Variants in JAG2 observed in about 807,000 individuals in gnomAD.
JAG2 encodes the protein protein jagged-2.
Under a neutral mutation model 141.7 loss-of-function variants are expected in JAG2, and 46 were observed. The ratio of observed to expected loss-of-function variants is 0.32; its 90% CI spans 0.26 to 0.42. The LOEUF is 0.42. Ranked by LOEUF, JAG2 falls within the 10% of genes least tolerant of loss-of-function variation. JAG2 has a pLI of 1.00. For missense variants in JAG2, 1,500 were observed against 1,817.5 expected (o/e 0.83, Z 3.18); for synonymous variants, 862 against 763.5 (o/e 1.13, Z -2.13).
At chr14:105,158,492 T>C (rs948754157) in intron 2 of JAG2, among the ~76,000 whole-genome samples, 3 of 152,088 alleles carry the variant, frequency 2.0e-5, no homozygotes, top group African/African-American at 7.2e-5. Context: ...CTGGCCCTTG[T>C]ACCCCAGCCA....
intron 6 of JAG2, 48 bp from the exon 7 acceptor site, chr14:105,152,105 C>A (rs1888453760): frequency 6.2e-7 from 1 of 1,613,400 alleles, no homozygotes; most frequent in East Asian, 2.2e-5. Flanking sequence ...CCCCCCGCTC[C>A]CCCACAACCC....
intron 3 of JAG2, among the ~76,000 whole-genome samples, chr14:105,156,631 G>A (rs921433567): frequency 2.0e-5 from 3 of 152,126 alleles, no homozygotes; most frequent in Non-Finnish European, 4.4e-5. Flanking sequence ...CCGTGATGCC[G>A]GTCCCTGCGC....
chr14:105,164,375 G>A lies in JAG2; in HGVS notation c.417+3382C>T, dbSNP rs187816345. 5.7e-4 allele frequency among the ~76,000 whole-genome samples: 87 copies of A among 152,256 alleles called. 2 individuals are homozygous for A. Among genetic ancestry groups the A allele is most frequent in the Middle Eastern group, 6.8e-3 (2 of 294 alleles). On this transcript the variant is annotated intron_variant, in intron 2 of 25. Coordinates refer to ENST00000331782, the MANE Select transcript of JAG2 (RefSeq NM_002226.5). ...AGGGCCATGGCAGGAGGAACAGACC[G>A]ATGCCCACCCAACACAGGAACCCAG...
chr14:105,146,492 A>G lies in JAG2; in HGVS notation c.2602T>C (p.Phe868Leu). The G allele has an allele frequency of 6.2e-7, 1 of 1,612,528 alleles. No homozygotes were observed. The highest frequency in any genetic ancestry group is 8.5e-7 in the Non-Finnish European group (1 of 1,179,752). Reference sequence around the variant, plus strand: ...CCCCGGGACCAGCAGGATCTCCCGAACCCGATCACTGTGGGGAGAAGGGGC... The same window carrying G: ...CCCCGGGACCAGCAGGATCTCCCGAGCCCGATCACTGTGGGGAGAAGGGGC... Reference protein sequence around the residue: ...AGPRCQEVIGFGRSCWSRGTP... With the variant: ...AGPRCQEVIGLGRSCWSRGTP... The change falls in exon 22 of 26, where the codon TTC (phenylalanine) becomes CTC (leucine). Residue 868 changes from phenylalanine to leucine, a missense_variant. Around this residue, in one of 3 missense-constraint regions of JAG2, gnomAD observed 875 missense variants for 1,202.2 expected, o/e 0.73. Transcript: ENST00000331782.
At chr14:105,165,202 C>T (rs1888873362) in intron 2 of JAG2, among the ~76,000 whole-genome samples, 1 of 152,188 alleles carries the variant, frequency 6.6e-6, no homozygotes, top group Non-Finnish European at 1.5e-5. Context: ...TGCCACCACC[C>T]TGCTCCTCCC....
Position 105,167,252 on chromosome 14 carries a change from A to AGCGTTAG in JAG2, c.417+498_417+504dup, listed in dbSNP as rs1196700767. ...ACCATCGGGGGCTTCTGCCGACATA[A>AGCGTTAG]GCGTTAGGCGTTAGGCTCTCCCGGG... is the stretch of plus-strand genomic sequence containing the variant. On this transcript the variant is annotated intron_variant, in intron 2 of 25. Coordinates refer to ENST00000331782, the MANE Select transcript of JAG2 (RefSeq NM_002226.5). The surrounding 1 kb of genome is among the most constrained non-coding windows in gnomAD (Gnocchi z 4.8). 6.6e-6 allele frequency among the ~76,000 whole-genome samples: 1 copy of AGCGTTAG among 152,160 alleles called. No individual in the cohort carries two copies. Among genetic ancestry groups the AGCGTTAG allele is most frequent in the Non-Finnish European group, 1.5e-5 (1 of 68,024 alleles).
chr14:105,159,263 C>T (rs905790893), intron 2 of JAG2, among the ~76,000 whole-genome samples: 11 of 152,160 alleles, frequency 7.2e-5, no homozygotes, highest in Admixed American at 1.3e-4. Context: ...GCAGAACACC[C>T]GGGGACGGCC....
chr14:105,145,019 G>A lies in JAG2; in HGVS notation c.2995C>T (p.Pro999Ser). ...TCCCGTGCCACAGCCCTTGTGGCTG[G>A]CAGGGAGCGGATCCCGGAGCAAATG... The part of the protein sequence containing the change: ...GAICSGIRSL[P>S]ATRAVARDRL... The change falls in exon 24 of 26, where the codon CCA becomes TCA. Residue 999 changes from proline to serine, a missense_variant. Pro to Ser is a moderately conservative substitution (Grantham distance 74). Around this residue, in one of 3 missense-constraint regions of JAG2, gnomAD observed 425 missense variants for 441.0 expected, o/e 0.96. Transcript: ENST00000331782. 3 of 1,609,898 alleles carry A rather than the reference G, an allele frequency of 1.9e-6. No homozygotes were observed. Among genetic ancestry groups the A allele is most frequent in the East Asian group, 2.2e-5 (1 of 44,876 alleles).
rs764907973 is a variant in JAG2 at position 105,151,984 on chromosome 14, G to A, written c.993C>T (p.Tyr331=). ...GTCINAEPDQ[Y]RCTCPDGYSG... ...AGTAGCCGTCAGGGCAGGTGCAGCG[G>A]TACTGGTCAGGCTCGGCGTTGATGC... The change falls in exon 7 of 26, where the codon TAC becomes TAT. Residue 331 remains tyrosine (Y), a synonymous_variant. Coordinates refer to ENST00000331782, the MANE Select transcript of JAG2 (RefSeq NM_002226.5). 12 of 1,613,262 alleles carry A rather than the reference G, an allele frequency of 7.4e-6. No homozygotes were observed. In the Admixed American group the frequency reaches 1.2e-4, roughly 16 times the overall value.
intron 14 of JAG2, 33 bp from the exon 15 acceptor site, chr14:105,148,891 A>G: frequency 6.3e-7 from 1 of 1,591,106 alleles, no homozygotes; most frequent in Non-Finnish European, 8.5e-7. Context: ...CCAGGGCCTC[A>G]GGCCAGCCCA....
intron 2 of JAG2, among the ~76,000 whole-genome samples, chr14:105,160,501 C>A (rs1390246261): frequency 6.6e-6 from 1 of 151,668 alleles, no homozygotes. Flanking sequence ...GCCTCTGCCA[C>A]CAAGGACGGC....
At chr14:105,162,806 C>T (rs993846962) in intron 2 of JAG2, among the ~76,000 whole-genome samples, 2 of 149,060 alleles carry the variant, frequency 1.3e-5, no homozygotes, top group East Asian at 4.0e-4. Flanking sequence ...GCTCAGGGCA[C>T]TCCAGGTCCA....
intron 2 of JAG2, among the ~76,000 whole-genome samples, chr14:105,165,539 G>T (rs1030853562): frequency 3.3e-5 from 5 of 152,192 alleles, no homozygotes; most frequent in Non-Finnish European, 2.9e-5. Flanking sequence ...ACCCACTGAG[G>T]GAAGCTGAGC....
In JAG2 at chr14:105,141,412, C is replaced by T. The variant is rs888672687; in HGVS notation, c.*1283G>A. ...ATTCCTTAAGACCTTGATACGTATT[C>T]GTGGGTAAGCAATTTTATACTATTT... On this transcript the variant is annotated 3_prime_UTR_variant, in exon 26 of 26. Transcript: ENST00000331782. The T allele has an allele frequency of 6.6e-6, 1 of 152,234 alleles. No homozygotes were observed. The highest frequency in any genetic ancestry group is 2.4e-5 in the African/African-American group (1 of 41,452). 9.4% of individuals were successfully genotyped at this position (152,234 alleles called of 1,614,324 possible).
intron 15 of JAG2, 132 bp from the exon 16 acceptor site, chr14:105,148,571 G>T (rs1175897683): frequency 2.4e-6 from 2 of 848,666 alleles, no homozygotes; most frequent in African/African-American, 1.7e-5. Context: ...GGCCGGGGGA[G>T]CTGGCCTCGG....
chr14:105,156,028 C>A (rs751535512), intron 3 of JAG2, 39 bp from the exon 4 acceptor site: 2 of 1,593,538 alleles, frequency 1.3e-6, no homozygotes, highest in South Asian at 2.2e-5. Flanking sequence ...CCAGAGAAAC[C>A]AGCCCGGCCA....
At position 105,142,805 on chromosome 14, in the gene JAG2, T is replaced by C. The variant is rs756743400; in HGVS notation, c.3607A>G (p.Lys1203Glu). Residue 1203 changes from lysine to glutamate, a missense_variant, in exon 26 of 26, where the codon AAA (lysine) becomes GAA (glutamate). Physicochemically the swap from Lys to Glu is moderately conservative, Grantham distance 56. Around this residue, in one of 3 missense-constraint regions of JAG2, gnomAD observed 425 missense variants for 441.0 expected, o/e 0.96. Transcript: ENST00000331782. ...AEKFLSHKFTKDPGRSPGRPA... is the reference protein window; with the variant it reads ...AEKFLSHKFTEDPGRSPGRPA... ...CTCCCCGGCGAGCGGCCAGGATCTT[T>C]GGTGAATTTGTGTGAGAGGAACTTC... The C allele has an allele frequency of 5.4e-5, 87 of 1,611,006 alleles. No individual in the cohort carries two copies. Among genetic ancestry groups the C allele is most frequent in the Non-Finnish European group, 7.4e-5 (87 of 1,179,054 alleles).
chr14:105,152,380 C>T, intron 5 of JAG2, 89 bp from the exon 6 acceptor site: 1 of 1,492,828 alleles, frequency 6.7e-7, no homozygotes, highest in Non-Finnish European at 9.1e-7. Context: ...CCACGCCACA[C>T]CCAGGGCCGG....
At position 105,148,436 on chromosome 14, in the gene JAG2, G is replaced by T; in HGVS notation, c.2024C>A (p.Pro675His). ...GCAGGGATCGGGAAGGCAGTCGTTG[G>T]GATCTGGGGGCGAGGACGCCGGTCA... ...GWEGELCDTN[P>H]NDCLPDPCHS... Residue 675 changes from proline to histidine, a missense_variant, in exon 16 of 26, where the codon CCC (proline) becomes CAC (histidine). Physicochemically the swap from Pro to His is moderately conservative, Grantham distance 77. This residue lies in a region of JAG2 where 875 missense variants were observed against 1,202.2 expected (regional missense o/e 0.73). Transcript: ENST00000331782. 6.2e-7 allele frequency: 1 copy of T among 1,610,610 alleles called. No homozygotes were observed. The highest frequency in any genetic ancestry group is 1.1e-5 in the South Asian group (1 of 91,042).
Sources: gnomAD v4.1 joint callset for allele counts (sites outside exome capture counted in the v4.1 genomes callset) on GRCh38, gnomAD v4.1.1 for gene constraint, gnomAD v4.1.1 regional missense constraint, Gnocchi (gnomAD v3.1) non-coding constraint, MANE v1.5 for transcripts, NCBI Gene and HGNC (gene_info 2026-07-23, HGNC 2026-07-21) for gene names.